Variants in MED4 observed in about 807,000 individuals in gnomAD.
MED4 encodes mediator complex subunit 4, also known as mediator of RNA polymerase II transcription subunit 4.
MED4 carries 21 observed loss-of-function variants against 35.0 expected under a neutral mutation model. The ratio of observed to expected loss-of-function variants is 0.60; its 90% CI spans 0.43 to 0.86. The LOEUF (loss-of-function observed/expected upper bound fraction) is 0.86. MED4 is among the 40% of genes least tolerant of loss of function. The pLI, the probability that MED4 is intolerant of heterozygous loss-of-function variation, is 0.00. For synonymous variants in MED4, 138 were observed against 114.0 expected, an observed-to-expected ratio of 1.21 and a Z score of -1.34; for missense variants, 300 against 319.4, an observed-to-expected ratio of 0.94 and a Z score of 0.46.
intron 2 of MED4, among the ~76,000 whole-genome samples, chr13:48,088,218 G>A (rs1950866462): frequency 1.3e-5 from 2 of 152,174 alleles, no homozygotes; most frequent in South Asian, 4.1e-4. Context: ...GCTAAGTAGA[G>A]AATACTACTT....
At position 48,079,812 on chromosome 13, in the gene MED4, C is replaced by G. The variant is rs901857435; in HGVS notation, c.640+32G>C. The G allele has an allele frequency of 4.4e-6, 7 of 1,606,458 alleles. No individual in the cohort carries two copies. In the East Asian group the frequency reaches 1.1e-4, roughly 26 times the overall value. On this transcript the variant is annotated intron_variant, in intron 6 of 6. Coordinates refer to ENST00000258648, the MANE Select transcript of MED4 (RefSeq NM_014166.4). ...CTTGTCATCTCTGGAAAACCCTGATCTGTTTGAAAACACTCTTCGGCTTAA... is the reference window on the plus strand; with the variant it reads ...CTTGTCATCTCTGGAAAACCCTGATGTGTTTGAAAACACTCTTCGGCTTAA...
chr13:48,082,781 C>G lies in MED4; in HGVS notation c.421+590G>C, dbSNP rs912632693. ...GGCGGAGCTTGCAGTGCGCCGAGATCGCGCCACTGCACTCCAGCCTGGGCG... is the reference window on the plus strand; with the variant it reads ...GGCGGAGCTTGCAGTGCGCCGAGATGGCGCCACTGCACTCCAGCCTGGGCG... On this transcript the variant is annotated intron_variant, in intron 4 of 6. Transcript: ENST00000258648. Among the ~76,000 whole-genome samples, 7 of 151,576 alleles carry G rather than the reference C, an allele frequency of 4.6e-5. No individual in the cohort carries two copies. In the South Asian group the frequency reaches 8.3e-4, roughly 18 times the overall value.
chr13:48,088,774 G>GAA (rs1950870261), intron 2 of MED4, among the ~76,000 whole-genome samples: 1 of 152,172 alleles, frequency 6.6e-6, no homozygotes, highest in African/African-American at 2.4e-5. Context: ...AGGTTGAACT[G>GAA]AACATCGTTA....
At chr13:48,083,623 T>C (rs1285302610) in intron 3 of MED4, among the ~76,000 whole-genome samples, 195 bp from the exon 4 acceptor site, 1 of 152,230 alleles carries the variant, frequency 6.6e-6, no homozygotes, top group Non-Finnish European at 1.5e-5. Flanking sequence ...AGAAATATTA[T>C]ATTTATGAAC....
At chr13:48,082,743 C>T (rs966746155) in intron 4 of MED4, among the ~76,000 whole-genome samples, 3 of 149,462 alleles carry the variant, frequency 2.0e-5, no homozygotes, top group Admixed American at 6.6e-5. Context: ...AGGAGAGTGG[C>T]GTGAACCCGG....
intron 4 of MED4, 107 bp downstream of exon 4, chr13:48,083,264 A>C: frequency 1.1e-6 from 1 of 872,026 alleles, no homozygotes; most frequent in Non-Finnish European, 1.8e-6. Flanking sequence ...AAATTTACTG[A>C]ATCTTTTCAA....
chr13:48,078,175 T>C (rs1168189280), intron 6 of MED4, among the ~76,000 whole-genome samples: 2 of 152,184 alleles, frequency 1.3e-5, no homozygotes, highest in African/African-American at 4.8e-5. Context: ...AGTTCAAGAC[T>C]CAAATAAAGA....
rs374839138 is a variant in MED4 at position 48,080,923 on chromosome 13, T to C, written c.508+722A>G. ...ATCCCAAACATGAAAGCACACTAAA[T>C]AGCAGTATGTGGTTGACAAAAACTT... On this transcript the variant is annotated intron_variant, in intron 5 of 6. Transcript: ENST00000258648. 1.1e-3 allele frequency among the ~76,000 whole-genome samples: 174 copies of C among 152,324 alleles called. 3 individuals are homozygous for C. The South Asian group carries it at 0.035, about 31-fold the overall frequency.
At chr13:48,088,228 T>C (rs897550312) in intron 2 of MED4, among the ~76,000 whole-genome samples, 11 of 152,208 alleles carry the variant, frequency 7.2e-5, no homozygotes, top group Non-Finnish European at 2.9e-5. Flanking sequence ...GAATACTACT[T>C]CAGAAAGAAA....
chr13:48,084,906 G>A (rs764152332), intron 3 of MED4, among the ~76,000 whole-genome samples: 86 of 151,552 alleles, frequency 5.7e-4, no homozygotes, highest in Admixed American at 9.2e-4. Flanking sequence ...TCCCTCTGTC[G>A]CCCAGGCTGG....
chr13:48,077,480 G>A (rs953783206), intron 6 of MED4, 169 bp from the exon 7 acceptor site: 30 of 498,136 alleles, frequency 6.0e-5, no homozygotes, highest in Admixed American at 4.4e-4. Flanking sequence ...GCAGTGGCAC[G>A]AATACATCAC....
chr13:48,092,269 G>A (rs979520953), intron 1 of MED4, among the ~76,000 whole-genome samples: 1 of 151,162 alleles, frequency 6.6e-6, no homozygotes, highest in Non-Finnish European at 1.5e-5. Context: ...CACCACGCCC[G>A]GCTAATTTTG....
At chr13:48,084,237 G>T (rs773252448) in intron 3 of MED4, among the ~76,000 whole-genome samples, 22 of 147,328 alleles carry the variant, frequency 1.5e-4, no homozygotes, top group Non-Finnish European at 2.8e-4. Context: ...TCTGGCCTGG[G>T]CAATAGAGCA....
Position 48,095,033 on chromosome 13 carries a change from C to T in MED4, c.46G>A (p.Gly16Ser). The T allele has an allele frequency of 6.2e-7, 1 of 1,606,254 alleles. No homozygotes were observed. The highest frequency in any genetic ancestry group is 1.3e-5 in the African/African-American group (1 of 75,066). ...TTACCACCCGCCACTCCCAAACCGCCTCCCAGCCGCTCCTTCTCCTTCTCA... is the reference window on the plus strand; with the variant it reads ...TTACCACCCGCCACTCCCAAACCGCTTCCCAGCCGCTCCTTCTCCTTCTCA... ...SGEKEKERLG[G>S]GLGVAGGNST... The change falls in exon 1 of 7, where the codon GGC becomes AGC. Residue 16 changes from glycine to serine, a missense_variant. Transcript: ENST00000258648.
intron 5 of MED4, 147 bp from the exon 6 acceptor site, chr13:48,080,122 T>C (rs781203760): frequency 1.2e-6 from 1 of 830,630 alleles, no homozygotes; most frequent in Non-Finnish European, 1.8e-6. Context: ...TCTGGCCAGG[T>C]GCAGTGGCTC....
At position 48,077,318 on chromosome 13, in the gene MED4, A is replaced by G. The variant is rs1790157365; in HGVS notation, c.641-7T>C. 1 of 1,459,152 alleles carries G rather than the reference A, an allele frequency of 6.9e-7. No homozygotes were observed. Among genetic ancestry groups the G allele is most frequent in the Non-Finnish European group, 9.0e-7 (1 of 1,107,346 alleles). 90.4% of individuals were successfully genotyped at this position (1,459,152 alleles called of 1,614,324 possible). A position where few individuals can be genotyped will look rare whatever the true frequency, so the allele number is the denominator to read the frequency against. ...TACTGTGGAGCAAGGACATCTGGAG[A>G]AAAAAAGAAGCATAGATAAGAACAG... On this transcript the variant is annotated splice_region_variant and splice_polypyrimidine_tract_variant and intron_variant, in intron 6 of 6. Transcript: ENST00000258648.
chr13:48,091,504 A>G (rs969627399), intron 1 of MED4, among the ~76,000 whole-genome samples: 2 of 152,194 alleles, frequency 1.3e-5, no homozygotes, highest in African/African-American at 2.4e-5. Flanking sequence ...AGCTAGCATC[A>G]TATCATTTTT....
chr13:48,087,252 G>A (rs968375589), intron 2 of MED4, among the ~76,000 whole-genome samples: 1 of 151,824 alleles, frequency 6.6e-6, no homozygotes, highest in African/African-American at 2.4e-5. Flanking sequence ...ATAATCCCAG[G>A]TACTCAGGAG....
chr13:48,083,474 A>T, intron 3 of MED4, 46 bp from the exon 4 acceptor site: 1 of 1,534,430 alleles, frequency 6.5e-7, no homozygotes, highest in South Asian at 1.2e-5. Flanking sequence ...CTTCAACTAT[A>T]TCAAACTTAG....
Sources: gnomAD v4.1 joint callset for allele counts (sites outside exome capture counted in the v4.1 genomes callset) on GRCh38, gnomAD v4.1.1 for gene constraint, MANE v1.5 for transcripts, NCBI Gene and HGNC (gene_info 2026-07-23, HGNC 2026-07-21) for gene names.